Variants in FER1L5 observed in about 807,000 individuals in gnomAD.
FER1L5 encodes the protein fer-1-like protein 5.
Under a neutral mutation model 279.9 loss-of-function variants are expected in FER1L5, and 187 were observed. That is an observed-to-expected ratio of 0.67 (90% CI 0.59 to 0.75). The LOEUF (loss-of-function observed/expected upper bound fraction) is 0.75, where lower values mean the gene tolerates loss of function less well. Ranked by LOEUF, FER1L5 falls within the 30% of genes least tolerant of loss-of-function variation. The pLI is 0.00. For synonymous variants in FER1L5, 921 were observed against 989.7 expected, an observed-to-expected ratio of 0.93 and a Z score of 1.30; for missense variants, 2,091 against 2,594.4, an observed-to-expected ratio of 0.81 and a Z score of 4.21.
At chr2:96,664,047 TAAC>T (rs2076044474) in intron 14 of FER1L5, among the ~76,000 whole-genome samples, 1 of 151,374 alleles carries the variant, frequency 6.6e-6, no homozygotes, top group Admixed American at 6.6e-5. Flanking sequence ...AAGTAGGTGA[TAAC>T]AACCTGTTGC....
chr2:96,662,071 G>T, intron 12 of FER1L5, 144 bp from the exon 13 acceptor site: 5 of 849,920 alleles, frequency 5.9e-6, no homozygotes, highest in Non-Finnish European at 9.3e-6. Context: ...AGAAGAAGGG[G>T]CATGGTGGGA....
chr2:96,688,894 G>A, intron 24 of FER1L5: 1 of 273,312 alleles, frequency 3.7e-6, no homozygotes, highest in Non-Finnish European at 6.9e-6. Flanking sequence ...TCCCTGCTGA[G>A]CACTCAGGCC....
Position 96,651,963 on chromosome 2 carries a change from C to T in FER1L5, c.576C>T (p.Ile192=), listed in dbSNP as rs1336277591. The T allele has an allele frequency of 4.5e-6, 7 of 1,551,820 alleles. No homozygotes were observed. Among genetic ancestry groups the T allele is most frequent in the Middle Eastern group, 1.7e-4 (1 of 6,014 alleles). Residue 192 remains isoleucine, a synonymous_variant, in exon 7 of 53, where the codon ATC becomes ATT. Coordinates refer to ENST00000624922, the MANE Select transcript of FER1L5 (RefSeq NM_001293083.2). ...NNIKPVVKVS[I]AGQQHQTRIK... ...TCAAACCAGTGGTGAAGGTGTCCAT[C>T]GCAGGCCAGCAGCACCAGACACGCA...
chr2:96,685,478 A>G (rs1347406397), intron 21 of FER1L5, 49 bp downstream of exon 21: 5 of 1,493,290 alleles, frequency 3.3e-6, no homozygotes, highest in East Asian at 4.9e-5. Flanking sequence ...GCTGAGCCAG[A>G]TCTGGGCCTG....
intron 19 of FER1L5, among the ~76,000 whole-genome samples, chr2:96,683,274 C>T (rs773541275): frequency 6.6e-5 from 10 of 152,246 alleles, no homozygotes; most frequent in African/African-American, 2.2e-4. Context: ...TGACCCCTGC[C>T]GAGGGCTCTG....
chr2:96,678,509 A>G (rs2076596540), intron 19 of FER1L5, among the ~76,000 whole-genome samples: 1 of 151,976 alleles, frequency 6.6e-6, no homozygotes, highest in Non-Finnish European at 1.5e-5. Context: ...TCACGGGCTC[A>G]TGGCAACCTG....
chr2:96,646,627 T>C (rs552314104), intron 2 of FER1L5, among the ~76,000 whole-genome samples, 174 bp downstream of exon 2: 2 of 152,248 alleles, frequency 1.3e-5, no homozygotes, highest in South Asian at 2.1e-4. Flanking sequence ...GACAAGGCTG[T>C]GAAGGCCACA....
rs866019728 is a variant in FER1L5 at position 96,690,709 on chromosome 2, C to T, written c.2743+120C>T. 3.5e-6 allele frequency: 3 copies of T among 855,180 alleles called. No individual in the cohort carries two copies. In the East Asian group the frequency reaches 8.1e-5, roughly 23 times the overall value. The allele number at this position is 855,180 out of a possible 1,614,324, so 53.0% of individuals were successfully genotyped here. A position where few individuals can be genotyped will look rare whatever the true frequency, so the allele number is the denominator to read the frequency against. Reference sequence around the variant, plus strand: ...GGTATACGCCTAAATTCCTGGGGCCCCCTGGCCTCCAGAGCTGGGTCTCCA... The same window carrying T: ...GGTATACGCCTAAATTCCTGGGGCCTCCTGGCCTCCAGAGCTGGGTCTCCA... On this transcript the variant is annotated intron_variant, in intron 27 of 52. Coordinates refer to ENST00000624922, the MANE Select transcript of FER1L5 (RefSeq NM_001293083.2).
At position 96,689,656 on chromosome 2, in the gene FER1L5, C is replaced by T. The variant is rs982139260; in HGVS notation, c.2538C>T (p.Asp846=). ...TCATTACCCCCAGGCTCCTCCTGGA[C>T]ATAGACATCAACAAGAGCCAGGTGC... The part of the protein sequence containing the change: ...TVEPQRRLLL[D]IDINKSQVLE... Residue 846 remains aspartate (D), a synonymous_variant, in exon 26 of 53, where the codon GAC becomes GAT. Coordinates refer to ENST00000624922, the MANE Select transcript of FER1L5 (RefSeq NM_001293083.2). The surrounding 1 kb of genome is among the most constrained non-coding windows in gnomAD (Gnocchi z 4.6). 1 of 1,551,008 alleles carries T rather than the reference C, an allele frequency of 6.4e-7. No individual in the cohort carries two copies. The highest frequency in any genetic ancestry group is 8.7e-7 in the Non-Finnish European group (1 of 1,146,866).
chr2:96,653,470 T>A, intron 7 of FER1L5, 170 bp from the exon 8 acceptor site: 1 of 618,080 alleles, frequency 1.6e-6, no homozygotes, highest in Non-Finnish European at 2.9e-6. Context: ...TTTGGAGCAT[T>A]TTTTATTTCA....
intron 13 of FER1L5, among the ~76,000 whole-genome samples, chr2:96,663,051 C>T (rs190193065): frequency 9.2e-5 from 14 of 152,332 alleles, no homozygotes; most frequent in Middle Eastern, 6.8e-3. Context: ...ACTCAACTGA[C>T]GGTTTTAAAA....
At chr2:96,675,079 ATCT>A (rs1322567330) in intron 19 of FER1L5, among the ~76,000 whole-genome samples, 1 of 152,210 alleles carries the variant, frequency 6.6e-6, no homozygotes, top group Non-Finnish European at 1.5e-5. Flanking sequence ...TCTGTCTTAA[ATCT>A]TCTGCTCAAC....
At chr2:96,643,642 G>C (rs924321429) in intron 1 of FER1L5, among the ~76,000 whole-genome samples, 2 of 151,682 alleles carry the variant, frequency 1.3e-5, no homozygotes, top group Non-Finnish European at 2.9e-5. Context: ...GAGCCACCGC[G>C]CCCAGCCTAC....
rs1039127722 is a variant in FER1L5 at position 96,646,471 on chromosome 2, C to T, written c.138+18C>T. 1.0e-5 allele frequency: 16 copies of T among 1,551,304 alleles called. No homozygotes were observed. The South Asian group carries it at 1.8e-4, about 17-fold the overall frequency. ...GGAATGAGGTAGACAACAGGGCAAG[C>T]CCAGAAGAGGAAATAACAACCCCAA... On this transcript the variant is annotated intron_variant, in intron 2 of 52. Transcript: ENST00000624922.
chr2:96,648,657 G>A (rs1004366951), intron 4 of FER1L5, among the ~76,000 whole-genome samples: 1 of 152,236 alleles, frequency 6.6e-6, no homozygotes, highest in East Asian at 1.9e-4. Flanking sequence ...AGAGACAGCA[G>A]TCTGACCTCC....
intron 17 of FER1L5, among the ~76,000 whole-genome samples, chr2:96,669,413 C>A (rs1190294627): frequency 6.6e-6 from 1 of 152,086 alleles, no homozygotes; most frequent in Non-Finnish European, 1.5e-5. Flanking sequence ...GCGCGAAGGA[C>A]GGAGGACACA....
Position 96,684,522 on chromosome 2 carries a change from C to T in FER1L5, c.1794+71C>T, listed in dbSNP as rs1266647112. The T allele has an allele frequency of 9.9e-6, 15 of 1,509,376 alleles. No individual in the cohort carries two copies. The South Asian group carries it at 1.8e-4, about 18-fold the overall frequency. The allele number at this position is 1,509,376 out of a possible 1,614,324, so 93.5% of individuals were successfully genotyped here. The stretch of plus-strand genomic sequence containing the variant: ...TGTGGCTGGGAGACTTGGGAAACTG[C>T]ATCACAGTGGCAGGAAACTGGTCAC... On this transcript the variant is annotated intron_variant, in intron 20 of 52. Transcript: ENST00000624922.
At chr2:96,648,727 G>A (rs2075241270) in intron 4 of FER1L5, among the ~76,000 whole-genome samples, 1 of 152,334 alleles carries the variant, frequency 6.6e-6, no homozygotes, top group Admixed American at 6.5e-5. Context: ...TAACAGGTTG[G>A]TTCCCTGGGC....
rs2077059585 is a variant in FER1L5 at position 96,689,501 on chromosome 2, G to A, written c.2525+125G>A. The stretch of plus-strand genomic sequence containing the variant: ...GTGCCAGAGGGCCGAGGTGCACCAG[G>A]CCAAGGGCCCTGCCCACCACCCTGT... On this transcript the variant is annotated intron_variant, in intron 25 of 52. Transcript: ENST00000624922. This position sits in a 1 kb window ranked among gnomAD's most constrained non-coding sequence, Gnocchi z 4.6. The A allele has an allele frequency of 1.4e-6, 2 of 1,473,350 alleles. No homozygotes were observed. The highest frequency in any genetic ancestry group is 1.2e-5 in the South Asian group (1 of 80,502). The allele number at this position is 1,473,350 out of a possible 1,614,324, so 91.3% of individuals were successfully genotyped here.
Sources: allele counts gnomAD v4.1 joint callset (sites outside exome capture counted in the v4.1 genomes callset), GRCh38; gene constraint gnomAD v4.1.1; non-coding constraint Gnocchi (gnomAD v3.1); transcripts MANE v1.5; gene names NCBI Gene and HGNC (gene_info 2026-07-23, HGNC 2026-07-21).